The following NCAM2 variants were observed in gnomAD, a reference collection of about 807,000 sequenced individuals.
NCAM2 encodes the protein neural cell adhesion molecule 2.
In NCAM2, 30 loss-of-function variants were observed where a neutral mutation model predicts 98.1. The observed-to-expected ratio is 0.31, with a 90% CI of 0.23 to 0.41. The LOEUF is 0.41. Ranked by LOEUF, NCAM2 falls within the 10% of genes least tolerant of loss-of-function variation. The pLI is 1.00. For missense variants in NCAM2, 867 were observed against 1,005.8 expected (o/e 0.86, Z 1.87); for synonymous variants, 368 against 342.4 (o/e 1.07, Z -0.83).
intron 1 of NCAM2, among the ~76,000 whole-genome samples, chr21:21,051,003 G>A (rs1415240019): frequency 6.6e-6 from 1 of 152,168 alleles, no homozygotes; most frequent in Non-Finnish European, 1.5e-5. Context: ...CAAAATATCT[G>A]GACCCAATGC....
intron 1 of NCAM2, among the ~76,000 whole-genome samples, chr21:21,056,490 CTG>C (rs10685980): frequency 0.12 from 16,255 of 138,266 alleles, 964 homozygotes; most frequent in Non-Finnish European, 0.13. Flanking sequence ...AGAGATATGT[CTG>C]TGTGTGTGTG....
At chr21:21,408,936 A>AACT (rs1569029936) in intron 9 of NCAM2, among the ~76,000 whole-genome samples, 5 of 151,654 alleles carry the variant, frequency 3.3e-5, no homozygotes, top group South Asian at 2.1e-4. Context: ...TCTGATATTT[A>AACT]TATAATTAGT....
chr21:21,156,120 TTC>T, intron 1 of NCAM2, among the ~76,000 whole-genome samples: 1 of 152,116 alleles, frequency 6.6e-6, no homozygotes, highest in Non-Finnish European at 1.5e-5. Context: ...TCTCCACCAG[TTC>T]TCTAAGGCAC....
chr21:21,023,745 A>G (rs1415548425), intron 1 of NCAM2, among the ~76,000 whole-genome samples: 1 of 152,118 alleles, frequency 6.6e-6, no homozygotes, highest in Non-Finnish European at 1.5e-5. Context: ...GCATACATGT[A>G]TGCATATTAT....
At chr21:21,355,939 C>T (rs2075467751) in intron 8 of NCAM2, among the ~76,000 whole-genome samples, 1 of 152,094 alleles carries the variant, frequency 6.6e-6, no homozygotes, top group Non-Finnish European at 1.5e-5. Context: ...GGATAGTCAC[C>T]TTTAACAATT....
intron 5 of NCAM2, among the ~76,000 whole-genome samples, chr21:21,294,744 C>T (rs527676558): frequency 6.6e-6 from 1 of 151,654 alleles, no homozygotes; most frequent in Non-Finnish European, 1.5e-5. Flanking sequence ...TGCCTTAAGA[C>T]AGAAAAATCA....
chr21:21,238,888 A>C (rs932706932), intron 1 of NCAM2, among the ~76,000 whole-genome samples: 5 of 152,326 alleles, frequency 3.3e-5, no homozygotes, highest in African/African-American at 1.2e-4. Context: ...GGCTTCAATC[A>C]CATGGCGTAA....
chr21:21,361,173 T>C (rs1366848847), intron 8 of NCAM2, among the ~76,000 whole-genome samples: 1 of 152,074 alleles, frequency 6.6e-6, no homozygotes, highest in Admixed American at 6.6e-5. Context: ...CTATATATAA[T>C]CATACCTCAT....
Position 21,540,949 on chromosome 21 carries a change from C to G in NCAM2, c.*2992C>G, listed in dbSNP as rs1309965572. ...AAGATTTATTTATTATTTTTGTGGG[C>G]TAAGACATTGCCATTCTATTGATAC... On this transcript the variant is annotated 3_prime_UTR_variant, in exon 18 of 18. Coordinates refer to ENST00000400546, the MANE Select transcript of NCAM2 (RefSeq NM_004540.5). 1 of 151,692 alleles carries G rather than the reference C, an allele frequency of 6.6e-6. No individual in the cohort carries two copies. Among genetic ancestry groups the G allele is most frequent in the African/African-American group, 2.4e-5 (1 of 41,374 alleles). 9.4% of individuals were successfully genotyped at this position (151,692 alleles called of 1,614,324 possible).
chr21:21,541,663 A>C lies in NCAM2; in HGVS notation c.*3706A>C, dbSNP rs1001473182. 2 of 151,758 alleles carry C rather than the reference A, an allele frequency of 1.3e-5. No individual in the cohort carries two copies. The highest frequency in any genetic ancestry group is 6.6e-5 in the Admixed American group (1 of 15,188). The allele number at this position is 151,758 out of a possible 1,614,324, so 9.4% of individuals were successfully genotyped here. On this transcript the variant is annotated 3_prime_UTR_variant, in exon 18 of 18. Coordinates refer to ENST00000400546, the MANE Select transcript of NCAM2 (RefSeq NM_004540.5). The stretch of plus-strand genomic sequence containing the variant: ...AACCTTTATTTTTGGCAATAAGATT[A>C]TCACTGACGAAAATATGTACAGTTC...
intron 10 of NCAM2, among the ~76,000 whole-genome samples, chr21:21,416,226 C>T (rs10470226): frequency 0.072 from 10,947 of 152,064 alleles, 433 homozygotes; most frequent in East Asian, 0.15. Flanking sequence ...GATGAGGGTA[C>T]GGCCAGTCAG....
chr21:21,124,807 G>A (rs909250034), intron 1 of NCAM2, among the ~76,000 whole-genome samples: 6 of 152,116 alleles, frequency 3.9e-5, no homozygotes, highest in Admixed American at 3.9e-4. Context: ...CTTATGAAGA[G>A]TCTCAATGAG....
In NCAM2 at chr21:21,390,154, A is replaced by AT. The variant is rs532568580; in HGVS notation, c.1195+16150dup. On this transcript the variant is annotated intron_variant, in intron 9 of 17. Transcript: ENST00000400546. ...CGAGCCACCGCGCCACCTGGCTATT[A>AT]TTTTTTTTTATATTGACTACGTGTT... Among the ~76,000 whole-genome samples the AT allele has an allele frequency of 6.9e-4, 105 of 151,314 alleles. No homozygotes were observed. The South Asian group carries it at 0.018, about 25-fold the overall frequency.
intron 5 of NCAM2, among the ~76,000 whole-genome samples, chr21:21,309,132 TG>T: frequency 6.6e-6 from 1 of 152,310 alleles, no homozygotes; most frequent in African/African-American, 2.4e-5. Flanking sequence ...AATGTTATTG[TG>T]TACTATCATC....
At chr21:21,136,429 C>T (rs1365970250) in intron 1 of NCAM2, among the ~76,000 whole-genome samples, 3 of 151,614 alleles carry the variant, frequency 2.0e-5, no homozygotes, top group African/African-American at 7.3e-5. Context: ...ATATGGGATA[C>T]CCACATGCTA....
At chr21:21,216,351 T>A (rs538198930) in intron 1 of NCAM2, among the ~76,000 whole-genome samples, 2 of 152,336 alleles carry the variant, frequency 1.3e-5, no homozygotes, top group South Asian at 4.1e-4. Flanking sequence ...GGTACTGCTG[T>A]GTTTTCAGGG....
chr21:21,142,058 G>A (rs142409927), intron 1 of NCAM2, among the ~76,000 whole-genome samples: 1 of 152,128 alleles, frequency 6.6e-6, no homozygotes, highest in African/African-American at 2.4e-5. Flanking sequence ...TGCATAATCG[G>A]TCATGTTACA....
chr21:21,500,326 G>A (rs937094295), intron 15 of NCAM2, among the ~76,000 whole-genome samples: 8 of 152,082 alleles, frequency 5.3e-5, no homozygotes, highest in Non-Finnish European at 1.2e-4. Flanking sequence ...CAAATAAGGA[G>A]TTTTAATGTG....
chr21:21,447,040 GA>G (rs528574767), intron 12 of NCAM2, among the ~76,000 whole-genome samples: 6 of 152,032 alleles, frequency 3.9e-5, no homozygotes, highest in African/African-American at 1.4e-4. Context: ...TCACAGATTA[GA>G]AAAAAACTAC....
Sources: gnomAD v4.1 joint callset for allele counts (sites outside exome capture counted in the v4.1 genomes callset) on GRCh38, gnomAD v4.1.1 for gene constraint, MANE v1.5 for transcripts, NCBI Gene and HGNC (gene_info 2026-07-23, HGNC 2026-07-21) for gene names.